The following FAM168A variants were observed in gnomAD, a reference collection of about 807,000 sequenced individuals.
FAM168A encodes the protein protein FAM168A.
Under a neutral mutation model 28.5 loss-of-function variants are expected in FAM168A, and 3 were observed. The observed-to-expected ratio is 0.11, with a 90% CI of 0.05 to 0.27. The LOEUF is 0.27. Ranked by LOEUF, FAM168A falls within the 10% of genes least tolerant of loss-of-function variation. The pLI is 1.00. For missense variants in FAM168A, 222 were observed against 311.5 expected, an observed-to-expected ratio of 0.71 and a Z score of 2.16; for synonymous variants, 122 against 124.2, an observed-to-expected ratio of 0.98 and a Z score of 0.12.
At chr11:73,464,652 A>G (rs919095299) in intron 2 of FAM168A, among the ~76,000 whole-genome samples, 1 of 152,168 alleles carries the variant, frequency 6.6e-6, no homozygotes. Context: ...TGGGTTCCAG[A>G]CTCAACCCCA....
At chr11:73,434,001 A>G (rs1193220524) in intron 2 of FAM168A, among the ~76,000 whole-genome samples, 1 of 152,008 alleles carries the variant, frequency 6.6e-6, no homozygotes, top group Non-Finnish European at 1.5e-5. Flanking sequence ...ACATACCACC[A>G]CACCCAGCTA....
intron 1 of FAM168A, among the ~76,000 whole-genome samples, chr11:73,527,608 A>G (rs1459564340): frequency 6.6e-6 from 1 of 152,142 alleles, no homozygotes; most frequent in Non-Finnish European, 1.5e-5. Flanking sequence ...ATGGATTGCT[A>G]TTGTCATTAT....
At chr11:73,498,333 C>A (rs892562428) in intron 1 of FAM168A, among the ~76,000 whole-genome samples, 2 of 152,168 alleles carry the variant, frequency 1.3e-5, no homozygotes, top group South Asian at 4.1e-4. Context: ...CCCTTCCCCC[C>A]AGCCAAGGGA....
chr11:73,510,826 T>C (rs1360137912), intron 1 of FAM168A: 2 of 360,886 alleles, frequency 5.5e-6, no homozygotes, highest in African/African-American at 4.2e-5. Context: ...CGTAGACAGA[T>C]AATGCCTAAT....
intron 1 of FAM168A, among the ~76,000 whole-genome samples, chr11:73,476,580 A>T (rs1867891930): frequency 6.6e-6 from 1 of 152,170 alleles, no homozygotes; most frequent in Admixed American, 6.5e-5. Flanking sequence ...AGTATGTCCC[A>T]TTTGTGGGGG....
intron 4 of FAM168A, among the ~76,000 whole-genome samples, chr11:73,415,832 T>G (rs1395307324): frequency 6.6e-6 from 1 of 152,236 alleles, no homozygotes; most frequent in Non-Finnish European, 1.5e-5. Context: ...CTGAAAGGAA[T>G]TCTAAGTCTG....
intron 1 of FAM168A, among the ~76,000 whole-genome samples, chr11:73,513,950 G>A (rs529490580): frequency 3.1e-4 from 47 of 152,226 alleles, no homozygotes; most frequent in Non-Finnish European, 3.2e-4. Context: ...TAGGGAGGCC[G>A]AGGTGGGCAG....
At chr11:73,521,701 AC>A (rs1590830808) in intron 1 of FAM168A, among the ~76,000 whole-genome samples, 1 of 152,186 alleles carries the variant, frequency 6.6e-6, no homozygotes, top group East Asian at 1.9e-4. Flanking sequence ...GGTAATAACA[AC>A]GGGGAAGGGG....
intron 1 of FAM168A, among the ~76,000 whole-genome samples, chr11:73,534,639 G>A (rs1943554592): frequency 6.8e-6 from 1 of 147,828 alleles, no homozygotes; most frequent in Non-Finnish European, 1.5e-5. Flanking sequence ...CTGACCTCAG[G>A]TGATCTGGCC....
At chr11:73,477,374 G>A (rs1370862932) in intron 1 of FAM168A, among the ~76,000 whole-genome samples, 1 of 151,466 alleles carries the variant, frequency 6.6e-6, no homozygotes, top group Non-Finnish European at 1.5e-5. Flanking sequence ...TAAAAGTCAA[G>A]GGGGAAGAAA....
At chr11:73,583,130 C>A (rs559981472) in intron 1 of FAM168A, among the ~76,000 whole-genome samples, 1 of 152,128 alleles carries the variant, frequency 6.6e-6, no homozygotes, top group Non-Finnish European at 1.5e-5. Context: ...GAGTGAAACC[C>A]CGTCTTTACT....
intron 2 of FAM168A, among the ~76,000 whole-genome samples, chr11:73,464,172 T>A (rs577636905): frequency 6.7e-6 from 1 of 149,884 alleles, no homozygotes; most frequent in Non-Finnish European, 1.5e-5. Flanking sequence ...AAAAACTATC[T>A]TCCAGAATTG....
chr11:73,417,249 G>A (rs1389473670), intron 4 of FAM168A, among the ~76,000 whole-genome samples: 1 of 152,178 alleles, frequency 6.6e-6, no homozygotes, highest in Admixed American at 6.5e-5. Context: ...GAGTCTAATT[G>A]CAAGAAAGAA....
intron 2 of FAM168A, among the ~76,000 whole-genome samples, chr11:73,441,261 G>A (rs892766364): frequency 4.6e-5 from 7 of 152,066 alleles, no homozygotes; most frequent in African/African-American, 1.7e-4. Flanking sequence ...GTTTCACCAC[G>A]TTGGCCAAGA....
intron 2 of FAM168A, 110 bp from the exon 3 acceptor site, chr11:73,430,880 G>T: frequency 1.2e-6 from 1 of 850,806 alleles, no homozygotes. Context: ...CAAGTCCTAG[G>T]TTTGGCGTTC....
At chr11:73,414,054 C>A (rs541910871) in intron 4 of FAM168A, among the ~76,000 whole-genome samples, 10 of 152,102 alleles carry the variant, frequency 6.6e-5, no homozygotes, top group Non-Finnish European at 1.3e-4. Context: ...CAGAGCAGGA[C>A]CCTGTCTCTT....
intron 4 of FAM168A, among the ~76,000 whole-genome samples, chr11:73,417,810 C>T (rs1478301693): frequency 5.3e-5 from 8 of 152,238 alleles, no homozygotes; most frequent in Non-Finnish European, 7.4e-5. Flanking sequence ...CCGCCCACCT[C>T]GGCCTCCCAA....
rs560942268 is a variant in FAM168A at position 73,424,978 on chromosome 11, C to G, written c.152-4979G>C. 1.3e-5 allele frequency: 19 copies of G among 1,462,512 alleles called. No individual in the cohort carries two copies. In the East Asian group the frequency reaches 4.5e-4, roughly 35 times the overall value. The allele number at this position is 1,462,512 out of a possible 1,614,324, so 90.6% of individuals were successfully genotyped here. On this transcript the variant is annotated intron_variant, in intron 3 of 7. Transcript: ENST00000356467. ...GATCTACCATTGTTACGAGAGAACA[C>G]ATTCATAGGCTGTAATACAGATGAG...
intron 2 of FAM168A, among the ~76,000 whole-genome samples, chr11:73,457,723 C>CA (rs58142151): frequency 0.046 from 1,711 of 37,472 alleles, 306 homozygotes; most frequent in Non-Finnish European, 0.085. Context: ...GCCTGGGTGA[C>CA]AAAAAAAAAA....
Sources: allele counts gnomAD v4.1 joint callset (sites outside exome capture counted in the v4.1 genomes callset), GRCh38; gene constraint gnomAD v4.1.1; transcripts MANE v1.5; gene names NCBI Gene and HGNC (gene_info 2026-07-23, HGNC 2026-07-21).